The following CD207 variants were observed in gnomAD, a reference collection of about 807,000 sequenced individuals.
The protein encoded by CD207 is CD207 molecule.
Under a neutral mutation model 31.6 loss-of-function variants are expected in CD207, and 28 were observed. That is an observed-to-expected ratio of 0.89 (90% CI 0.66 to 1.21). The LOEUF (loss-of-function observed/expected upper bound fraction) is 1.21. CD207 is among the 50% of genes most tolerant of loss of function. The pLI, the probability that CD207 is intolerant of heterozygous loss-of-function variation, is 0.00. For synonymous variants in CD207, 168 were observed against 153.9 expected, an observed-to-expected ratio of 1.09 and a Z score of -0.68; for missense variants, 388 against 397.8, an observed-to-expected ratio of 0.98 and a Z score of 0.21.
chr2:70,831,912 C>T (rs1315994567), intron 4 of CD207, 93 bp from the exon 5 acceptor site: 2 of 827,222 alleles, frequency 2.4e-6, no homozygotes, highest in Non-Finnish European at 2.1e-6. Context: ...AGTGACAGCC[C>T]TGACCCACAG....
In CD207 at chr2:70,832,800, A is replaced by G. The variant is rs11891027; in HGVS notation, c.717+100T>C. 6.0e-3 allele frequency: 7,012 copies of G among 1,170,038 alleles called. 322 individuals carry two copies. In the African/African-American group the frequency reaches 0.097, roughly 16 times the overall value. The allele number at this position is 1,170,038 out of a possible 1,614,324, so 72.5% of individuals were successfully genotyped here. ...ACCAATCCTTCTTCATTAGGTCATCAATATTTGGGGATTTTTGTTCACGCA... is the reference window on the plus strand; with the variant it reads ...ACCAATCCTTCTTCATTAGGTCATCGATATTTGGGGATTTTTGTTCACGCA... On this transcript the variant is annotated intron_variant, in intron 4 of 5. Transcript: ENST00000410009.
At chr2:70,831,428 A>G (rs1677468135) in intron 5 of CD207, among the ~76,000 whole-genome samples, 1 of 152,110 alleles carries the variant, frequency 6.6e-6, no homozygotes, top group Non-Finnish European at 1.5e-5. Context: ...GTCCCTACAC[A>G]AACCCACACT....
At chr2:70,825,602 G>A (rs1188443902), downstream of CD207, among the ~76,000 whole-genome samples, 1 of 152,140 alleles carries the variant, frequency 6.6e-6, no homozygotes, top group Non-Finnish European at 1.5e-5. Context: ...ACAGTGGCGT[G>A]ATTACAGCTC....
chr2:70,832,286 A>G (rs1677495186), intron 4 of CD207, among the ~76,000 whole-genome samples: 2 of 152,178 alleles, frequency 1.3e-5, no homozygotes, highest in African/African-American at 4.8e-5. Flanking sequence ...TATTCCACCC[A>G]AGCTGCTAGG....
Position 70,831,154 on chromosome 2 carries a change from AGTGT to A in CD207, c.879_882del (p.Glu293AspfsTer5). The A allele has an allele frequency of 6.2e-7, 1 of 1,613,934 alleles. No individual in the cohort carries two copies. The highest frequency in any genetic ancestry group is 8.5e-7 in the Non-Finnish European group (1 of 1,179,828). On this transcript the variant is annotated frameshift_variant, in exon 6 of 6. Transcript: ENST00000410009. LOFTEE classifies it low-confidence loss of function (END_TRUNC). ...AGTGAGGGAGCCTTTATATTGCCAC[AGTGT>A]TCATTGTTCCCAGCATTGTTGGGCT...
chr2:70,832,151 T>A (rs1553399913), intron 4 of CD207, among the ~76,000 whole-genome samples: 1 of 152,252 alleles, frequency 6.6e-6, no homozygotes, highest in African/African-American at 2.4e-5. Context: ...AAATGAGCCC[T>A]GAATCCACAT....
intron 3 of CD207, among the ~76,000 whole-genome samples, chr2:70,833,314 C>T (rs533139506): frequency 7.9e-5 from 12 of 152,278 alleles, no homozygotes; most frequent in African/African-American, 2.9e-4. Context: ...AAGCAACCCT[C>T]CATCGGCCAT....
In CD207 at chr2:70,833,647, T is replaced by C; in HGVS notation, c.564A>G (p.Gln188=). The change falls in exon 3 of 6, where the codon CAA becomes CAG. Residue 188 remains glutamine (Q), a splice_region_variant and synonymous_variant. Coordinates refer to ENST00000410009, the MANE Select transcript of CD207 (RefSeq NM_015717.5). Reference sequence around the variant, plus strand: ...AATGTAATTTTCTGAGTCACTTACTTTGTCGTTTGAGCAACTTGCTCATAT... The same window carrying C: ...AATGTAATTTTCTGAGTCACTTACTCTGTCGTTTGAGCAACTTGCTCATAT... ...LENMSKLLKR[Q]NDILQVVSQG... 2 of 1,607,332 alleles carry C rather than the reference T, an allele frequency of 1.2e-6. No individual in the cohort carries two copies. Among genetic ancestry groups the C allele is most frequent in the Non-Finnish European group, 1.7e-6 (2 of 1,176,114 alleles).
downstream of CD207, among the ~76,000 whole-genome samples, chr2:70,826,165 A>T (rs1215411986): frequency 1.3e-5 from 2 of 152,062 alleles, no homozygotes; most frequent in Non-Finnish European, 2.9e-5. Flanking sequence ...TCAAAATTAA[A>T]AAAAGACATA....
At chr2:70,835,391 G>C in intron 2 of CD207, 100 bp downstream of exon 2, 1 of 806,466 alleles carries the variant, frequency 1.2e-6, no homozygotes, top group Non-Finnish European at 2.1e-6. Context: ...AAAGCCACAG[G>C]CAGGAGAAAC....
chr2:70,832,728 A>G (rs547167390), intron 4 of CD207, among the ~76,000 whole-genome samples, 172 bp downstream of exon 4: 3 of 152,220 alleles, frequency 2.0e-5, no homozygotes, highest in Non-Finnish European at 4.4e-5. Context: ...GAGTAGCCAC[A>G]GTGAGCACAG....
At position 70,835,483 on chromosome 2, in the gene CD207, G is replaced by A; in HGVS notation, c.190+8C>T. On this transcript the variant is annotated splice_region_variant and intron_variant, in intron 2 of 5. Transcript: ENST00000410009. ...GCTAAGCCCAGACGATGAAACATGAGGACTTACAAAGGACGGCCTGCAGCA... is the reference window on the plus strand; with the variant it reads ...GCTAAGCCCAGACGATGAAACATGAAGACTTACAAAGGACGGCCTGCAGCA... 6.3e-7 allele frequency: 1 copy of A among 1,598,758 alleles called. No individual in the cohort carries two copies. The highest frequency in any genetic ancestry group is 2.2e-5 in the East Asian group (1 of 44,812).
chr2:70,824,619 T>G, the CD207 span, among the ~76,000 whole-genome samples: 1 of 13,858 alleles, frequency 7.2e-5, no homozygotes, highest in Non-Finnish European at 2.0e-4. Flanking sequence ...GATGCTTAGT[T>G]ACCAAAAAAA....
downstream of CD207, among the ~76,000 whole-genome samples, chr2:70,825,410 T>C (rs1355615494): frequency 6.6e-6 from 1 of 152,184 alleles, no homozygotes; most frequent in Admixed American, 6.5e-5. Context: ...GCTCATTAAT[T>C]GTGACAAATG....
At chr2:70,827,082 C>G (rs1406299152), downstream of CD207, among the ~76,000 whole-genome samples, 1 of 152,124 alleles carries the variant, frequency 6.6e-6, no homozygotes, top group Non-Finnish European at 1.5e-5. Flanking sequence ...GTGCCTCAGG[C>G]CTGTCACACT....
downstream of CD207, among the ~76,000 whole-genome samples, chr2:70,827,967 A>C (rs1243107814): frequency 6.6e-6 from 1 of 152,208 alleles, no homozygotes; most frequent in African/African-American, 2.4e-5. Flanking sequence ...CAACATTGAA[A>C]GAGGGCATGT....
At chr2:70,834,214 C>G (rs1288354207) in intron 2 of CD207, among the ~76,000 whole-genome samples, 194 bp from the exon 3 acceptor site, 1 of 152,090 alleles carries the variant, frequency 6.6e-6, no homozygotes, top group East Asian at 1.9e-4. Flanking sequence ...CTACCATGTG[C>G]CAGGAACACA....
chr2:70,833,754 G>C lies in CD207; in HGVS notation c.457C>G (p.Gln153Glu), dbSNP rs1677536332. ...SWEEVSTLNA[Q>E]IPELKSDLEK... ...AAATCACTTTTTAACTCTGGGATTT[G>C]GGCATTTAAGGTACTGACTTCTTCC... Residue 153 changes from glutamine (Q) to glutamate (E), a missense_variant, in exon 3 of 6, where the codon CAA (glutamine) becomes GAA (glutamate). Gln to Glu is a conservative substitution (Grantham distance 29, BLOSUM62 2). Transcript: ENST00000410009. 2 of 1,613,992 alleles carry C rather than the reference G, an allele frequency of 1.2e-6. No individual in the cohort carries two copies. The highest frequency in any genetic ancestry group is 1.7e-6 in the Non-Finnish European group (2 of 1,179,892).
chr2:70,834,480 C>T (rs1426301927), intron 2 of CD207, among the ~76,000 whole-genome samples: 1 of 152,116 alleles, frequency 6.6e-6, no homozygotes, highest in Non-Finnish European at 1.5e-5. Context: ...ACCACTCCCC[C>T]ACATCTGTCC....
Sources: allele counts gnomAD v4.1 joint callset (sites outside exome capture counted in the v4.1 genomes callset), GRCh38; gene constraint gnomAD v4.1.1; transcripts MANE v1.5; gene names NCBI Gene and HGNC (gene_info 2026-07-23, HGNC 2026-07-21).